Variants in ENOX2 observed in about 807,000 individuals in gnomAD.
The protein encoded by ENOX2 is APK1 antigen.
Under a neutral mutation model 45.0 loss-of-function variants are expected in ENOX2, and 36 were observed. The ratio of observed to expected loss-of-function variants is 0.80; its 90% CI spans 0.61 to 1.06. ENOX2 has a LOEUF of 1.06. Ranked by LOEUF, ENOX2 falls within the 50% of genes least tolerant of loss-of-function variation. ENOX2 has a pLI of 0.00. For synonymous variants in ENOX2, 174 were observed against 152.3 expected (o/e 1.14, Z -1.05); for missense variants, 423 against 462.5 (o/e 0.91, Z 0.78).
At chrX:130,892,177 G>T (rs1055839682) in intron 2 of ENOX2, among the ~76,000 whole-genome samples, 6 of 112,004 alleles carry the variant, frequency 5.4e-5, no homozygotes, top group African/African-American at 1.9e-4. Flanking sequence ...AACGACACTG[G>T]GATTCACTGA....
intron 2 of ENOX2, among the ~76,000 whole-genome samples, chrX:130,854,307 A>T (rs1257080551): frequency 1.8e-5 from 2 of 112,265 alleles, no homozygotes; most frequent in African/African-American, 6.5e-5. Context: ...CAGATGACAG[A>T]GGAAAGAATC....
intron 2 of ENOX2, among the ~76,000 whole-genome samples, chrX:130,867,631 T>C (rs1238740450): frequency 8.9e-6 from 1 of 112,110 alleles, no homozygotes; most frequent in East Asian, 2.8e-4. Context: ...TCTATTAGCA[T>C]TGGTAAACTC....
At chrX:130,664,491 T>C (rs1364130472) in intron 9 of ENOX2, among the ~76,000 whole-genome samples, 1 of 112,829 alleles carries the variant, frequency 8.9e-6, no homozygotes, top group Non-Finnish European at 1.9e-5. Context: ...ATATGAAATC[T>C]ATACCTACTC....
intron 2 of ENOX2, among the ~76,000 whole-genome samples, chrX:130,868,533 C>T (rs1197157338): frequency 8.9e-6 from 1 of 111,918 alleles, no homozygotes; most frequent in Admixed American, 9.4e-5. Flanking sequence ...ATGGACCACA[C>T]TTAGAATCAC....
rs779157860 is a variant in ENOX2, at chrX:130,637,364, G to A, written c.1176C>T (p.Leu392=). ...AEALKEENDS[L]RWQLDAYRNE... is the part of the protein sequence containing the mutation. The stretch of plus-strand genomic sequence containing the variant: ...TCCGGTAGGCATCGAGCTGCCAACG[G>A]AGGCTGTCATTTTCTTCCTTCAGAG... The change falls in exon 11 of 15, where the codon CTC becomes CTT. Residue 392 remains leucine (L), a synonymous_variant. Transcript: ENST00000394363. The A allele has an allele frequency of 1.6e-4, 194 of 1,209,282 alleles. No individual in the cohort carries two copies. Among genetic ancestry groups the A allele is most frequent in the Non-Finnish European group, 1.9e-4 (173 of 894,716 alleles).
chrX:130,776,628 A>G (rs867246561), intron 3 of ENOX2, among the ~76,000 whole-genome samples: 3 of 111,683 alleles, frequency 2.7e-5, no homozygotes, highest in Non-Finnish European at 5.6e-5. Flanking sequence ...CCGAACCGTG[A>G]GACAATTAAA....
intron 2 of ENOX2, among the ~76,000 whole-genome samples, chrX:130,886,476 A>G (rs2078904369): frequency 8.9e-6 from 1 of 112,153 alleles, no homozygotes; most frequent in Non-Finnish European, 1.9e-5. Flanking sequence ...GCTGTGTAAG[A>G]AGCCTTTCAA....
intron 4 of ENOX2, among the ~76,000 whole-genome samples, chrX:130,694,963 C>T (rs1239501497): frequency 3.6e-5 from 4 of 111,535 alleles, no homozygotes; most frequent in Admixed American, 9.5e-5. Flanking sequence ...TTAATCTTCA[C>T]AACAATCCTA....
chrX:130,877,213 T>C (rs1389265745), intron 2 of ENOX2, among the ~76,000 whole-genome samples: 2 of 111,924 alleles, frequency 1.8e-5, no homozygotes, highest in Non-Finnish European at 3.8e-5. Context: ...TAAAACTTGA[T>C]GCTGTGGTTT....
chrX:130,884,946 C>A (rs2078877259), intron 2 of ENOX2, among the ~76,000 whole-genome samples: 1 of 111,792 alleles, frequency 8.9e-6, no homozygotes, highest in Non-Finnish European at 1.9e-5. Flanking sequence ...ACAGTACAAA[C>A]AAACTAGCTT....
chrX:130,637,482 G>T, intron 10 of ENOX2, 72 bp from the exon 11 acceptor site: 1 of 974,666 alleles, frequency 1.0e-6, no homozygotes. Flanking sequence ...TCACAAAAAG[G>T]TTGGTTCTTC....
At chrX:130,675,457 G>A (rs746339114) in intron 6 of ENOX2, among the ~76,000 whole-genome samples, 2 of 112,532 alleles carry the variant, frequency 1.8e-5, no homozygotes, top group Admixed American at 9.4e-5. Flanking sequence ...AGAAAATGGT[G>A]GAACAACATC....
rs1319664247 is a variant in ENOX2, at chrX:130,753,370, C to G, written c.-39+30177G>C. 3.6e-5 allele frequency among the ~76,000 whole-genome samples: 4 copies of G among 110,927 alleles called. No individual in the cohort carries two copies. The East Asian group carries it at 8.5e-4, about 24-fold the overall frequency. On this transcript the variant is annotated intron_variant, in intron 3 of 14. Transcript: ENST00000394363. ...TTTCCACCTGTCTGCTTCTCTTTGTCTGTCCATCTCTCTTTGTATGCTTCC... is the reference window on the plus strand; with the variant it reads ...TTTCCACCTGTCTGCTTCTCTTTGTGTGTCCATCTCTCTTTGTATGCTTCC...
chrX:130,725,711 G>A (rs1330663654), intron 3 of ENOX2, among the ~76,000 whole-genome samples: 1 of 110,837 alleles, frequency 9.0e-6, no homozygotes, highest in Non-Finnish European at 1.9e-5. Flanking sequence ...AGTTTTGTTT[G>A]CAGGATTACT....
intron 2 of ENOX2, among the ~76,000 whole-genome samples, chrX:130,792,251 G>A (rs1481420556): frequency 8.9e-6 from 1 of 111,902 alleles, no homozygotes; most frequent in East Asian, 2.8e-4. Context: ...GAGCTTACTT[G>A]AGGGTGGAGG....
At chrX:130,853,119 C>T (rs2078240777) in intron 2 of ENOX2, among the ~76,000 whole-genome samples, 1 of 109,004 alleles carries the variant, frequency 9.2e-6, no homozygotes, top group Non-Finnish European at 1.9e-5. Context: ...TATCCCAGAC[C>T]AGGTATTGGT....
At chrX:130,823,133 A>G (rs1277747321) in intron 2 of ENOX2, among the ~76,000 whole-genome samples, 2 of 112,137 alleles carry the variant, frequency 1.8e-5, no homozygotes, top group African/African-American at 6.5e-5. Context: ...TGGAAGTCTA[A>G]CAGAAGAACA....
At chrX:130,720,457 G>A (rs1424602935) in intron 3 of ENOX2, among the ~76,000 whole-genome samples, 1 of 112,091 alleles carries the variant, frequency 8.9e-6, no homozygotes, top group South Asian at 3.8e-4. Context: ...ATGGGTCAGG[G>A]TTTTTACTCA....
chrX:130,860,069 T>G (rs1330537317), intron 2 of ENOX2, among the ~76,000 whole-genome samples: 1 of 110,499 alleles, frequency 9.0e-6, no homozygotes, highest in African/African-American at 3.3e-5. Flanking sequence ...GATTCTGTTG[T>G]GTCAGCCTCC....
Sources: allele counts gnomAD v4.1 joint callset (sites outside exome capture counted in the v4.1 genomes callset), GRCh38; gene constraint gnomAD v4.1.1; transcripts MANE v1.5; gene names NCBI Gene and HGNC (gene_info 2026-07-23, HGNC 2026-07-21).